Variants in CNTNAP2 observed in about 807,000 individuals in gnomAD.
CNTNAP2 encodes the protein contactin-associated protein-like 2.
In CNTNAP2, 98 loss-of-function variants were observed where a neutral mutation model predicts 155.2. The ratio of observed to expected loss-of-function variants is 0.63; its 90% CI spans 0.54 to 0.75. The LOEUF (loss-of-function observed/expected upper bound fraction) is 0.75, where lower values mean the gene tolerates loss of function less well. Among genes scored for constraint, CNTNAP2 ranks in the 30% least tolerant of loss-of-function variants. The probability of loss-of-function intolerance (pLI) is 0.00; values close to 1 mark genes in which losing one functional copy is unlikely to be tolerated. For synonymous variants in CNTNAP2, 651 were observed against 631.2 expected (o/e 1.03, Z -0.47); for missense variants, 1,727 against 1,688.1 (o/e 1.02, Z -0.40).
intron 13 of CNTNAP2, among the ~76,000 whole-genome samples, chr7:147,861,890 C>T (rs1034417060): frequency 6.7e-6 from 1 of 148,680 alleles, no homozygotes; most frequent in African/African-American, 2.5e-5. Context: ...GTGGTGTACT[C>T]GGGAGGCTAA....
chr7:146,466,299 G>A (rs1442382740), intron 1 of CNTNAP2, among the ~76,000 whole-genome samples: 1 of 152,092 alleles, frequency 6.6e-6, no homozygotes, highest in Non-Finnish European at 1.5e-5. Flanking sequence ...CTGGGAGTGG[G>A]ATCACATCAG....
At chr7:146,705,826 C>T (rs991733740) in intron 1 of CNTNAP2, among the ~76,000 whole-genome samples, 2 of 152,050 alleles carry the variant, frequency 1.3e-5, no homozygotes, top group African/African-American at 4.8e-5. Flanking sequence ...TCGCACTTGA[C>T]ACATAGGGAT....
At chr7:146,424,084 T>G (rs1316166962) in intron 1 of CNTNAP2, among the ~76,000 whole-genome samples, 1 of 152,172 alleles carries the variant, frequency 6.6e-6, no homozygotes, top group Non-Finnish European at 1.5e-5. Context: ...GGGGGAAATT[T>G]CATAATGCTC....
chr7:146,915,368 T>C (rs1796372503), intron 3 of CNTNAP2, among the ~76,000 whole-genome samples: 1 of 152,174 alleles, frequency 6.6e-6, no homozygotes, highest in Non-Finnish European at 1.5e-5. Flanking sequence ...GGTATTTTGA[T>C]GGAAATTGCA....
intron 16 of CNTNAP2, among the ~76,000 whole-genome samples, chr7:148,139,400 T>C (rs1805016523): frequency 6.6e-6 from 1 of 152,244 alleles, no homozygotes; most frequent in Middle Eastern, 3.2e-3. Flanking sequence ...TAAAGCTCTA[T>C]ATCTAGTCAT....
At chr7:146,974,746 C>G (rs1797874365) in intron 3 of CNTNAP2, among the ~76,000 whole-genome samples, 2 of 152,230 alleles carry the variant, frequency 1.3e-5, no homozygotes, top group Non-Finnish European at 2.9e-5. Flanking sequence ...CACCTGTAAT[C>G]CCAGCATTTT....
chr7:146,144,735 T>G (rs1166977913), intron 1 of CNTNAP2, among the ~76,000 whole-genome samples: 1 of 152,216 alleles, frequency 6.6e-6, no homozygotes, highest in African/African-American at 2.4e-5. Context: ...TATCTCATTA[T>G]TATTTGTTGT....
chr7:147,299,305 T>C (rs1794896217), intron 8 of CNTNAP2, among the ~76,000 whole-genome samples: 1 of 152,174 alleles, frequency 6.6e-6, no homozygotes, highest in Non-Finnish European at 1.5e-5. Context: ...GAACACAAAC[T>C]AAACAAAAGC....
chr7:146,653,349 G>C (rs529934654), intron 1 of CNTNAP2, among the ~76,000 whole-genome samples: 1 of 152,038 alleles, frequency 6.6e-6, no homozygotes. Context: ...GGGCCTTTGC[G>C]GTGTGTCAAA....
At chr7:147,092,047 T>C (rs894315534) in intron 4 of CNTNAP2, among the ~76,000 whole-genome samples, 1 of 152,194 alleles carries the variant, frequency 6.6e-6, no homozygotes, top group African/African-American at 2.4e-5. Context: ...CCAACCATTG[T>C]CATTTTAAGG....
chr7:147,621,781 C>T (rs142488030), intron 12 of CNTNAP2, among the ~76,000 whole-genome samples: 54 of 151,906 alleles, frequency 3.6e-4, no homozygotes, highest in Non-Finnish European at 5.3e-4. Flanking sequence ...TCTTACTTAT[C>T]AATAATAACA....
At chr7:146,688,028 A>G (rs1160975160) in intron 1 of CNTNAP2, among the ~76,000 whole-genome samples, 1 of 152,164 alleles carries the variant, frequency 6.6e-6, no homozygotes, top group Non-Finnish European at 1.5e-5. Context: ...TTCTGTGGCT[A>G]AAAACAGCTG....
intron 1 of CNTNAP2, among the ~76,000 whole-genome samples, chr7:146,490,673 A>G (rs570827120): frequency 1.1e-4 from 17 of 152,344 alleles, no homozygotes; most frequent in Admixed American, 3.3e-4. Flanking sequence ...AATATCGTAT[A>G]TATTTGTTAA....
intron 3 of CNTNAP2, among the ~76,000 whole-genome samples, chr7:147,018,853 C>T (rs1048500722): frequency 2.0e-5 from 3 of 151,936 alleles, no homozygotes; most frequent in African/African-American, 7.2e-5. Flanking sequence ...GCATCTCCTT[C>T]TAAAAAGGAG....
At chr7:146,970,494 A>T (rs891610711) in intron 3 of CNTNAP2, among the ~76,000 whole-genome samples, 1 of 152,252 alleles carries the variant, frequency 6.6e-6, no homozygotes, top group African/African-American at 2.4e-5. Context: ...AGAAATGCAA[A>T]TCAAAACCAC....
intron 12 of CNTNAP2, among the ~76,000 whole-genome samples, chr7:147,619,281 A>G (rs913010677): frequency 6.6e-6 from 1 of 152,258 alleles, no homozygotes; most frequent in Non-Finnish European, 1.5e-5. Flanking sequence ...TGCATAAATG[A>G]TAACACATAT....
chr7:147,069,883 A>C (rs1185717077), intron 4 of CNTNAP2, among the ~76,000 whole-genome samples: 4 of 152,186 alleles, frequency 2.6e-5, no homozygotes, highest in Non-Finnish European at 5.9e-5. Context: ...GAGAAACAGA[A>C]TTTTTGTTAT....
chr7:148,172,630 C>A (rs1794843076), intron 18 of CNTNAP2, 152 bp downstream of exon 18: 3 of 785,460 alleles, frequency 3.8e-6, no homozygotes, highest in Non-Finnish European at 6.6e-6. Context: ...AATTTTCCAA[C>A]CAAAATCATT....
intron 1 of CNTNAP2, among the ~76,000 whole-genome samples, chr7:146,529,612 G>T (rs1311051812): frequency 6.6e-6 from 1 of 152,138 alleles, no homozygotes; most frequent in African/African-American, 2.4e-5. Flanking sequence ...TAATGGTTTA[G>T]AGGAAAGCAG....
Sources: gnomAD v4.1 joint callset for allele counts (sites outside exome capture counted in the v4.1 genomes callset) on GRCh38, gnomAD v4.1.1 for gene constraint, MANE v1.5 for transcripts, NCBI Gene and HGNC (gene_info 2026-07-23, HGNC 2026-07-21) for gene names.